Variants in CFAP46 observed in about 807,000 individuals in gnomAD.
The protein encoded by CFAP46 is cilia- and flagella-associated protein 46.
A neutral mutation model predicts 325.7 loss-of-function variants in CFAP46; 245 were observed. The ratio of observed to expected loss-of-function variants is 0.75; its 90% CI spans 0.68 to 0.84. The LOEUF (loss-of-function observed/expected upper bound fraction) is 0.84. Among genes scored for constraint, CFAP46 ranks in the 40% least tolerant of loss-of-function variants. The probability of loss-of-function intolerance (pLI) is 0.00; values close to 1 mark genes in which losing one functional copy is unlikely to be tolerated. For missense variants in CFAP46, 3,346 were observed against 3,543.0 expected (o/e 0.94, Z 1.41); for synonymous variants, 1,523 against 1,495.9 (o/e 1.02, Z -0.42).
At chr10:132,938,791 A>G in intron 4 of CFAP46, 38 bp from the exon 5 acceptor site, 1 of 1,590,176 alleles carries the variant, frequency 6.3e-7, no homozygotes, top group Non-Finnish European at 8.6e-7. Context: ...GCACGCTCAA[A>G]GCCCAGCCGG....
intron 39 of CFAP46, among the ~76,000 whole-genome samples, chr10:132,856,026 C>A (rs956467111): frequency 2.0e-5 from 3 of 152,232 alleles, no homozygotes; most frequent in Admixed American, 2.0e-4. Flanking sequence ...CCACTGAGGA[C>A]GCCTTCCTTC....
In CFAP46 at chr10:132,808,643, G is replaced by C. The variant is rs1050927926; in HGVS notation, c.7926C>G (p.Ala2642=). The C allele has an allele frequency of 3.1e-6, 5 of 1,603,534 alleles. No homozygotes were observed. The stretch of plus-strand genomic sequence containing the variant: ...GGTCCCTGGCTGAGGCTGCACCAAG[G>C]GCTGGGGAGAGGCCCAGGAAGGGGA... ...LALPFLGLSP[A]LGAASARDPP... The change falls in exon 58 of 58, where the codon GCC becomes GCG. Residue 2642 remains alanine, a synonymous_variant. Coordinates refer to ENST00000368586, the MANE Select transcript of CFAP46 (RefSeq NM_001200049.3). This position sits in a 1 kb window ranked among gnomAD's most constrained non-coding sequence, Gnocchi z 6.8.
At chr10:132,816,880 C>A (rs950616780) in intron 50 of CFAP46, among the ~76,000 whole-genome samples, 1 of 152,204 alleles carries the variant, frequency 6.6e-6, no homozygotes, top group Non-Finnish European at 1.5e-5. Flanking sequence ...ACCCTCATCA[C>A]GCTGTGGCCT....
intron 8 of CFAP46, among the ~76,000 whole-genome samples, chr10:132,933,007 G>A (rs1466497033): frequency 2.6e-5 from 4 of 152,256 alleles, no homozygotes; most frequent in Admixed American, 2.6e-4. Context: ...TGTCCTTGGG[G>A]AGCAGGTCTA....
At chr10:132,855,426 T>C (rs1375977335) in intron 39 of CFAP46, among the ~76,000 whole-genome samples, 1 of 152,244 alleles carries the variant, frequency 6.6e-6, no homozygotes, top group African/African-American at 2.4e-5. Flanking sequence ...ATATTTAAAG[T>C]GGCTTTCTTG....
At chr10:132,918,667 G>T in intron 15 of CFAP46, 147 bp from the exon 16 acceptor site, 1 of 1,090,556 alleles carries the variant, frequency 9.2e-7, no homozygotes, top group Non-Finnish European at 1.2e-6. Context: ...CGGGAGGTGG[G>T]CAGCTTGCCC....
intron 36 of CFAP46, 82 bp from the exon 37 acceptor site, chr10:132,860,605 C>T (rs1591059303): frequency 1.6e-6 from 2 of 1,221,390 alleles, no homozygotes; most frequent in East Asian, 2.6e-5. Flanking sequence ...CGGGCAGGGA[C>T]AGATACGGGC....
At chr10:132,916,346 G>A (rs754476475) in intron 17 of CFAP46, among the ~76,000 whole-genome samples, 14 of 152,304 alleles carry the variant, frequency 9.2e-5, no homozygotes, top group South Asian at 2.1e-4. Context: ...GAGGAACGAC[G>A]GCTAAAAACA....
intron 8 of CFAP46, among the ~76,000 whole-genome samples, chr10:132,933,087 C>T (rs926780372): frequency 6.6e-6 from 1 of 152,246 alleles, no homozygotes; most frequent in Non-Finnish European, 1.5e-5. Flanking sequence ...CTGCTGGCAG[C>T]GACTCAACTC....
chr10:132,937,033 T>G lies in CFAP46; in HGVS notation c.683A>C (p.Glu228Ala). 1 of 1,534,926 alleles carries G rather than the reference T, an allele frequency of 6.5e-7. No homozygotes were observed. The highest frequency in any genetic ancestry group is 1.3e-5 in the South Asian group (1 of 77,254). Residue 228 changes from glutamate to alanine, a missense_variant, in exon 7 of 58, where the codon GAA becomes GCA. Coordinates refer to ENST00000368586, the MANE Select transcript of CFAP46 (RefSeq NM_001200049.3). ...TTTCTTTTCTTCCTTTAACTGAAGTTCGTCCATTAATTCATGACGAACCTG... is the reference window on the plus strand; with the variant it reads ...TTTCTTTTCTTCCTTTAACTGAAGTGCGTCCATTAATTCATGACGAACCTG... ...SVMVRHELMD[E>A]LQLKEEKKNS...
intron 57 of CFAP46, 107 bp from the exon 58 acceptor site, chr10:132,809,011 G>A (rs1847525163): frequency 8.8e-7 from 1 of 1,135,790 alleles, no homozygotes; most frequent in Non-Finnish European, 1.2e-6. Flanking sequence ...CCAACTGAGG[G>A]CGCTCTGGGG....
intron 50 of CFAP46, among the ~76,000 whole-genome samples, chr10:132,822,783 T>G (rs950533359): frequency 0.01 from 558 of 54,660 alleles, 2 homozygotes; most frequent in Middle Eastern, 0.044. Flanking sequence ...TGTGTGCACT[T>G]GTGTGTGCTG....
chr10:132,920,711 C>CT (rs1443051778), intron 13 of CFAP46, among the ~76,000 whole-genome samples: 2 of 152,224 alleles, frequency 1.3e-5, no homozygotes, highest in Non-Finnish European at 2.9e-5. Flanking sequence ...GGTGTCCACC[C>CT]TCTCGGCCAG....
At chr10:132,859,501 T>C (rs1260472086) in intron 37 of CFAP46, among the ~76,000 whole-genome samples, 1 of 151,630 alleles carries the variant, frequency 6.6e-6, no homozygotes, top group Non-Finnish European at 1.5e-5. Context: ...CTTGACTCAC[T>C]AGTGGAACAG....
intron 44 of CFAP46, among the ~76,000 whole-genome samples, chr10:132,838,659 T>C (rs895960535): frequency 6.6e-5 from 10 of 152,262 alleles, no homozygotes; most frequent in African/African-American, 2.4e-4. Context: ...GCCAAGGGCA[T>C]CTGGGTGGCT....
chr10:132,935,288 CCT>C (rs1491523717), intron 7 of CFAP46, among the ~76,000 whole-genome samples: 4 of 141,194 alleles, frequency 2.8e-5, no homozygotes, highest in Non-Finnish European at 6.0e-5. Context: ...TCCTCACTCC[CCT>C]GAGCACCCAA....
chr10:132,919,198 A>G lies in CFAP46; in HGVS notation c.1858+117T>C. On this transcript the variant is annotated intron_variant, in intron 15 of 57. Coordinates refer to ENST00000368586, the MANE Select transcript of CFAP46 (RefSeq NM_001200049.3). The surrounding 1 kb of genome is among the most constrained non-coding windows in gnomAD (Gnocchi z 9.7). ...GGAACTGCTACCATTGTGACTTAGC[A>G]ATACGCTTTCTCATGCGAAGGCCCC... 1 of 1,094,374 alleles carries G rather than the reference A, an allele frequency of 9.1e-7. No individual in the cohort carries two copies. The allele number at this position is 1,094,374 out of a possible 1,614,324, so 67.8% of individuals were successfully genotyped here.
intron 4 of CFAP46, among the ~76,000 whole-genome samples, chr10:132,940,607 T>C (rs996995779): frequency 1.3e-5 from 2 of 149,674 alleles, no homozygotes; most frequent in African/African-American, 4.9e-5. Context: ...TGATACAGAG[T>C]CTCGCTGTCA....
intron 25 of CFAP46, among the ~76,000 whole-genome samples, chr10:132,888,362 G>GTA (rs71013578): frequency 0.044 from 1,898 of 43,386 alleles, 184 homozygotes; most frequent in African/African-American, 0.12. Context: ...CCTGCCGCCT[G>GTA]CACCTGCCAC....
Sources: allele counts gnomAD v4.1 joint callset (sites outside exome capture counted in the v4.1 genomes callset), GRCh38; gene constraint gnomAD v4.1.1; non-coding constraint Gnocchi (gnomAD v3.1); transcripts MANE v1.5; gene names NCBI Gene and HGNC (gene_info 2026-07-23, HGNC 2026-07-21).